Variants in PCDHA10 observed in about 807,000 individuals in gnomAD.
PCDHA10 encodes the protein protocadherin alpha-10.
A neutral mutation model predicts 61.2 loss-of-function variants in PCDHA10; 45 were observed. The observed-to-expected ratio is 0.74, with a 90% CI of 0.58 to 0.94. The LOEUF (loss-of-function observed/expected upper bound fraction) is 0.94. Ranked by LOEUF, PCDHA10 falls within the 40% of genes least tolerant of loss-of-function variation. The pLI, the probability that PCDHA10 is intolerant of heterozygous loss-of-function variation, is 0.00. For missense variants in PCDHA10, 1,278 were observed against 1,236.2 expected (o/e 1.03, Z -0.51); for synonymous variants, 602 against 548.8 (o/e 1.10, Z -1.35).
chr5:140,997,831 A>G (rs938860065), intron 3 of PCDHA10, among the ~76,000 whole-genome samples: 3 of 152,210 alleles, frequency 2.0e-5, no homozygotes, highest in African/African-American at 4.8e-5. Context: ...TTTCTAAACA[A>G]TACAATATAC....
At chr5:140,992,020 TGTGTG>T (rs1460938904) in intron 3 of PCDHA10, among the ~76,000 whole-genome samples, 1 of 51,270 alleles carries the variant, frequency 2.0e-5, no homozygotes, top group African/African-American at 5.9e-5. Flanking sequence ...GGTGGCTCTG[TGTGTG>T]TGTGTGTGTG....
chr5:140,877,590 G>A (rs996962116), intron 1 of PCDHA10: 20 of 1,613,708 alleles, frequency 1.2e-5, no homozygotes, highest in Admixed American at 1.7e-5. Flanking sequence ...CCATCTGTGC[G>A]GTGTCCAGCC....
In PCDHA10 at chr5:140,883,118, C is replaced by G. The variant is rs370331206; in HGVS notation, c.2388+24682C>G. ...AGATATAGTTTACTCATTTAGAAGG[C>G]CTGTATGGCCTGCAGTGGTATATGC... On this transcript the variant is annotated intron_variant, in intron 1 of 3. Coordinates refer to ENST00000307360, the MANE Select transcript of PCDHA10 (RefSeq NM_018901.4). The G allele has an allele frequency of 8.7e-6, 14 of 1,613,882 alleles. No individual in the cohort carries two copies. Among genetic ancestry groups the G allele is most frequent in the Non-Finnish European group, 1.2e-5 (14 of 1,180,016 alleles).
intron 1 of PCDHA10, chr5:140,861,672 A>G (rs1581618530): frequency 4.0e-6 from 1 of 248,596 alleles, no homozygotes; most frequent in East Asian, 1.1e-4. Context: ...GCTCTTGATT[A>G]TCGTGTTTCA....
chr5:140,963,526 T>G (rs1359195018), intron 1 of PCDHA10, among the ~76,000 whole-genome samples: 3 of 152,204 alleles, frequency 2.0e-5, no homozygotes, highest in Non-Finnish European at 4.4e-5. Flanking sequence ...ATAACAGAAG[T>G]CCCATTTACT....
chr5:140,915,665 G>A (rs1208319882), intron 1 of PCDHA10, among the ~76,000 whole-genome samples: 1 of 149,092 alleles, frequency 6.7e-6, no homozygotes, highest in African/African-American at 2.5e-5. Context: ...TCAAGGTGCT[G>A]GGCCATCTTG....
At chr5:140,965,555 G>A (rs1373065218) in intron 1 of PCDHA10, among the ~76,000 whole-genome samples, 4 of 151,798 alleles carry the variant, frequency 2.6e-5, no homozygotes, top group Non-Finnish European at 5.9e-5. Flanking sequence ...CCTGGCTTAG[G>A]AGATCAACAG....
rs1554262820 is a variant in PCDHA10, at chr5:141,010,243, G to A, written c.*306G>A. On this transcript the variant is annotated 3_prime_UTR_variant, in exon 4 of 4. Coordinates refer to ENST00000307360, the MANE Select transcript of PCDHA10 (RefSeq NM_018901.4). The stretch of plus-strand genomic sequence containing the variant: ...TTCCCAGCCCCGCCAGTGAGAGGTT[G>A]GACTCTCTGCCCTGTGCTCCGGGGA... 1 of 1,551,890 alleles carries A rather than the reference G, an allele frequency of 6.4e-7. No individual in the cohort carries two copies. Among genetic ancestry groups the A allele is most frequent in the Non-Finnish European group, 8.7e-7 (1 of 1,147,036 alleles).
At chr5:140,884,581 C>A in intron 1 of PCDHA10, 1 of 1,614,184 alleles carries the variant, frequency 6.2e-7, no homozygotes, top group African/African-American at 1.3e-5. Context: ...ACCTCATGGC[C>A]TTCAGTCCCA....
intron 1 of PCDHA10, among the ~76,000 whole-genome samples, chr5:140,900,607 C>T (rs1340239730): frequency 6.6e-6 from 1 of 152,170 alleles, no homozygotes; most frequent in Non-Finnish European, 1.5e-5. Context: ...TGATGATGGA[C>T]ATGTAGATTG....
chr5:140,936,710 A>G (rs2091103513), intron 1 of PCDHA10, among the ~76,000 whole-genome samples: 1 of 152,216 alleles, frequency 6.6e-6, no homozygotes. Flanking sequence ...TTCTTGTGCC[A>G]ATACATTCTG....
At chr5:140,897,298 G>A (rs1372345306) in intron 1 of PCDHA10, among the ~76,000 whole-genome samples, 18 of 150,818 alleles carry the variant, frequency 1.2e-4, no homozygotes, top group Non-Finnish European at 1.8e-4. Flanking sequence ...TCGTCATTTA[G>A]CATTAGGTAT....
intron 1 of PCDHA10, chr5:140,868,023 T>C (rs2050243779): frequency 6.6e-6 from 1 of 152,096 alleles, no homozygotes; most frequent in Non-Finnish European, 1.5e-5. Flanking sequence ...AGGAAACCAA[T>C]GTTGGTGACT....
At chr5:140,999,947 G>A (rs993598998) in intron 3 of PCDHA10, among the ~76,000 whole-genome samples, 1 of 152,110 alleles carries the variant, frequency 6.6e-6, no homozygotes, top group Non-Finnish European at 1.5e-5. Flanking sequence ...CACCCAAAGA[G>A]GGTGAAATAC....
intron 1 of PCDHA10, chr5:140,967,680 G>C (rs1554229771): frequency 6.2e-7 from 1 of 1,614,228 alleles, no homozygotes; most frequent in South Asian, 1.1e-5. Context: ...GACCGGGAGA[G>C]GCAGCTCTTC....
intron 3 of PCDHA10, among the ~76,000 whole-genome samples, chr5:140,994,425 G>A (rs769335292): frequency 5.3e-5 from 8 of 152,118 alleles, no homozygotes; most frequent in African/African-American, 1.7e-4. Context: ...TATTGAGGCC[G>A]GGCGCAGTGG....
At chr5:140,873,078 T>A (rs1375879471) in intron 1 of PCDHA10, among the ~76,000 whole-genome samples, 19 of 152,184 alleles carry the variant, frequency 1.2e-4, no homozygotes, top group Admixed American at 9.2e-4. Flanking sequence ...ATCTAGCTAT[T>A]TCCCCCCCGT....
chr5:140,928,226 T>G, intron 1 of PCDHA10: 1 of 1,614,178 alleles, frequency 6.2e-7, no homozygotes, highest in African/African-American at 1.3e-5. Context: ...ACACCAAACT[T>G]TCCTCAACCC....
At chr5:140,901,311 C>T (rs1242541248) in intron 1 of PCDHA10, among the ~76,000 whole-genome samples, 3 of 152,052 alleles carry the variant, frequency 2.0e-5, no homozygotes, top group Non-Finnish European at 4.4e-5. Context: ...GGAGAGTTTC[C>T]CCAATGTTTT....
Sources: gnomAD v4.1 joint callset for allele counts (sites outside exome capture counted in the v4.1 genomes callset) on GRCh38, gnomAD v4.1.1 for gene constraint, MANE v1.5 for transcripts, NCBI Gene and HGNC (gene_info 2026-07-23, HGNC 2026-07-21) for gene names.